PNPLA6: variants seen among roughly 807,000 people sequenced by gnomAD.
The protein encoded by PNPLA6 is patatin like domain 6, lysophospholipase.
PNPLA6 carries 105 observed loss-of-function variants against 153.7 expected under a neutral mutation model. The observed-to-expected ratio is 0.68, with a 90% CI of 0.58 to 0.80. The LOEUF (loss-of-function observed/expected upper bound fraction) is 0.80. Ranked by LOEUF, PNPLA6 falls within the 30% of genes least tolerant of loss-of-function variation. PNPLA6 has a pLI of 0.00. For missense variants in PNPLA6, 1,423 were observed against 1,919.3 expected, an observed-to-expected ratio of 0.74 and a Z score of 4.83; for synonymous variants, 825 against 822.2, an observed-to-expected ratio of 1.00 and a Z score of -0.06.
In PNPLA6 at chr19:7,541,347, C is replaced by A. The variant is rs1402662594; in HGVS notation, c.925-7C>A. On this transcript the variant is annotated splice_region_variant and splice_polypyrimidine_tract_variant and intron_variant, in intron 7 of 31. Coordinates refer to ENST00000600737, the MANE Select transcript of PNPLA6 (RefSeq NM_001166114.2). The surrounding 1 kb of genome is among the most constrained non-coding windows in gnomAD (Gnocchi z 5.2). Reference sequence around the variant, plus strand: ...CATCTTATGGCCACGCCCCTCGAGCCCTGCAGATCATCATGGTGCGGCTGC... The same window carrying A: ...CATCTTATGGCCACGCCCCTCGAGCACTGCAGATCATCATGGTGCGGCTGC... 1 of 1,613,186 alleles carries A rather than the reference C, an allele frequency of 6.2e-7. No homozygotes were observed. The highest frequency in any genetic ancestry group is 1.7e-5 in the Admixed American group (1 of 59,984).
intron 21 of PNPLA6, 50 bp downstream of exon 21, chr19:7,554,773 G>T: frequency 6.3e-7 from 1 of 1,599,542 alleles, no homozygotes; most frequent in Non-Finnish European, 8.5e-7. Flanking sequence ...CCCGTCCTTT[G>T]CCCTCCCGTG....
In PNPLA6 at chr19:7,549,963, C is replaced by T. The variant is rs1281153565; in HGVS notation, c.1665C>T (p.Ile555=). The change falls in exon 14 of 32, where the codon ATC becomes ATT. Residue 555 remains isoleucine, a synonymous_variant. Transcript: ENST00000600737. ...GCCTGCACGTGTACCAGCGCATGAT[C>T]GACAAGGCGGAGGACGTGTGCCTGT... ...WGCLHVYQRM[I]DKAEDVCLFV... 4 of 1,613,880 alleles carry T rather than the reference C, an allele frequency of 2.5e-6. No homozygotes were observed. Among genetic ancestry groups the T allele is most frequent in the Admixed American group, 3.3e-5 (2 of 60,024 alleles).
Position 7,560,729 on chromosome 19 carries a change from C to T in PNPLA6, c.3781C>T (p.Arg1261Trp), listed in dbSNP as rs779906170. The T allele has an allele frequency of 2.5e-6, 4 of 1,613,096 alleles. No individual in the cohort carries two copies. Among genetic ancestry groups the T allele is most frequent in the East Asian group, 2.2e-5 (1 of 44,894 alleles). ...NVIEKMLTDR[R>W]STDLNESRRA... Reference sequence around the variant, plus strand: ...CATTGAGAAAATGCTCACAGACCGGCGGTCTACAGACCTTAATGAGAGCCG... The same window carrying T: ...CATTGAGAAAATGCTCACAGACCGGTGGTCTACAGACCTTAATGAGAGCCG... The change falls in exon 29 of 32, where the codon CGG becomes TGG. Residue 1261 changes from arginine (R) to tryptophan (W), a missense_variant. Transcript: ENST00000600737.
chr19:7,559,559 C>T (rs1353447455), intron 28 of PNPLA6, among the ~76,000 whole-genome samples: 1 of 152,128 alleles, frequency 6.6e-6, no homozygotes, highest in Non-Finnish European at 1.5e-5. Flanking sequence ...GATCAGGGGG[C>T]CAGGCATGGT....
rs200274429 is a variant in PNPLA6, at chr19:7,551,355, C to A, written c.2185-7C>A. 2 of 1,613,598 alleles carry A rather than the reference C, an allele frequency of 1.2e-6. No individual in the cohort carries two copies. Among genetic ancestry groups the A allele is most frequent in the Non-Finnish European group, 1.7e-6 (2 of 1,179,662 alleles). ...CTCACTGAAATGCCGGCCTCCAACG[C>A]CCCCAGGTCGTGACCCGCCTTATCC... On this transcript the variant is annotated splice_polypyrimidine_tract_variant and splice_region_variant and intron_variant, in intron 17 of 31. Transcript: ENST00000600737.
Position 7,536,196 on chromosome 19 carries a change from C to G in PNPLA6, c.238C>G (p.Pro80Ala). ...CTGTCCCCACCTATCCCCAGAAACC[C>G]CAGCCCCGGATGGCCCCCGGTATCG... ...VVRRLRVPKT[P>A]APDGPRYRFR... Residue 80 changes from proline to alanine, a missense_variant, in exon 2 of 32, where the codon CCA becomes GCA. Coordinates refer to ENST00000600737, the MANE Select transcript of PNPLA6 (RefSeq NM_001166114.2). 1 of 1,612,390 alleles carries G rather than the reference C, an allele frequency of 6.2e-7. No individual in the cohort carries two copies. Among genetic ancestry groups the G allele is most frequent in the Non-Finnish European group, 8.5e-7 (1 of 1,178,494 alleles).
In PNPLA6 at chr19:7,542,877, C is replaced by T. The variant is rs761965159; in HGVS notation, c.1479C>T (p.Ser493=). 3 of 1,613,346 alleles carry T rather than the reference C, an allele frequency of 1.9e-6. No homozygotes were observed. The highest frequency in any genetic ancestry group is 2.2e-5 in the South Asian group (2 of 91,086). Residue 493 remains serine (S), a synonymous_variant, in exon 12 of 32, where the codon AGC becomes AGT. Transcript: ENST00000600737. ...GGCCCTACCAGGGCCGCCAGACCAGCAGCATCTTCGAGGCAGCAAAGCAGG... is the reference window on the plus strand; with the variant it reads ...GGCCCTACCAGGGCCGCCAGACCAGTAGCATCTTCGAGGCAGCAAAGCAGG... ...PFGPYQGRQT[S]SIFEAAKQEL...
intron 13 of PNPLA6, among the ~76,000 whole-genome samples, chr19:7,543,648 A>G (rs1364494715): frequency 6.6e-6 from 1 of 152,152 alleles, no homozygotes; most frequent in Non-Finnish European, 1.5e-5. Context: ...AGGAAGCCTC[A>G]GGGTAGGAGG....
At chr19:7,542,493 C>G (rs1244025402) in intron 10 of PNPLA6, 68 bp from the exon 11 acceptor site, 2 of 1,217,612 alleles carry the variant, frequency 1.6e-6, no homozygotes, top group African/African-American at 3.0e-5. Context: ...CACCACTACA[C>G]CTGGCTCATT....
At chr19:7,545,688 G>T (rs1249220235) in intron 13 of PNPLA6, among the ~76,000 whole-genome samples, 1 of 151,998 alleles carries the variant, frequency 6.6e-6, no homozygotes, top group East Asian at 1.9e-4. Flanking sequence ...GAGGTGAGAG[G>T]ATCACTTGAG....
chr19:7,556,128 TC>T (rs1236459524), intron 24 of PNPLA6, among the ~76,000 whole-genome samples: 4 of 140,254 alleles, frequency 2.9e-5, no homozygotes, highest in African/African-American at 1.1e-4. Flanking sequence ...AGTGGCACAA[TC>T]TCGGCTCACT....
Position 7,555,853 on chromosome 19 carries a change from G to A in PNPLA6, c.3093+90G>A. 4.4e-6 allele frequency: 6 copies of A among 1,373,840 alleles called. No individual in the cohort carries two copies. Among genetic ancestry groups the A allele is most frequent in the Middle Eastern group, 1.8e-4 (1 of 5,588 alleles). 85.1% of individuals were successfully genotyped at this position (1,373,840 alleles called of 1,614,324 possible). A position where few individuals can be genotyped will look rare whatever the true frequency, so the allele number is the denominator to read the frequency against. On this transcript the variant is annotated intron_variant, in intron 24 of 31. Transcript: ENST00000600737. The surrounding 1 kb of genome is among the most constrained non-coding windows in gnomAD (Gnocchi z 6.3). ...ACCTGATCCCATGGGGGAGCCTCCG[G>A]GGTCAGGGTGACCCTTCCTGATTAA...
Position 7,557,247 on chromosome 19 carries a change from C to T in PNPLA6, c.3360C>T (p.His1120=). The T allele has an allele frequency of 6.2e-7, 1 of 1,613,416 alleles. No homozygotes were observed. The highest frequency in any genetic ancestry group is 8.5e-7 in the Non-Finnish European group (1 of 1,179,748). Residue 1120 remains histidine, a synonymous_variant, in exon 27 of 32, where the codon CAC becomes CAT. Transcript: ENST00000600737. The part of the protein sequence containing the change: ...LPPLCDPKDG[H]LLMDGGYINN... ...CGCTGTGCGACCCCAAGGACGGGCACCTACTCATGGATGGCGGCTACATCA... is the reference window on the plus strand; with the variant it reads ...CGCTGTGCGACCCCAAGGACGGGCATCTACTCATGGATGGCGGCTACATCA...
Position 7,542,660 on chromosome 19 carries a change from C to G in PNPLA6, c.1352C>G (p.Ala451Gly). The change falls in exon 11 of 32, where the codon GCC (alanine) becomes GGC (glycine). Residue 451 changes from alanine to glycine, a missense_variant. This residue lies in a region of PNPLA6 where 267 missense variants were observed against 255.1 expected (regional missense o/e 1.05). Transcript: ENST00000600737. ...GAGGCCTCCGGGGGGTCCCTGGCAG[C>G]CCCCGCTCGGGTAAGGCTTGGGACC... ...QEEASGGSLA[A>G]PARTPTQEPR... 1 of 1,612,770 alleles carries G rather than the reference C, an allele frequency of 6.2e-7. No homozygotes were observed. The highest frequency in any genetic ancestry group is 8.5e-7 in the Non-Finnish European group (1 of 1,179,630).
At chr19:7,560,055 C>T (rs2024036486) in intron 28 of PNPLA6, among the ~76,000 whole-genome samples, 1 of 151,798 alleles carries the variant, frequency 6.6e-6, no homozygotes, top group African/African-American at 2.4e-5. Flanking sequence ...CAGGAGAAAT[C>T]GCTTGAACCT....
Position 7,555,744 on chromosome 19 carries a change from G to A in PNPLA6, c.3074G>A (p.Arg1025Gln), listed in dbSNP as rs751513186. Residue 1025 changes from arginine (R) to glutamine (Q), a missense_variant, in exon 24 of 32, where the codon CGG (arginine) becomes CAG (glutamine). Physicochemically the swap from Arg to Gln is conservative, Grantham distance 43. Around this residue, in one of 10 missense-constraint regions of PNPLA6, gnomAD observed 643 missense variants for 835.2 expected, o/e 0.77. Coordinates refer to ENST00000600737, the MANE Select transcript of PNPLA6 (RefSeq NM_001166114.2). The surrounding 1 kb of genome is among the most constrained non-coding windows in gnomAD (Gnocchi z 6.3). ...CGCAGCGCCAGCCGCACGAAGCAGCGGGCCCGGGAGTGGGCCAAGGTGTGT... is the reference window on the plus strand; with the variant it reads ...CGCAGCGCCAGCCGCACGAAGCAGCAGGCCCGGGAGTGGGCCAAGGTGTGT... Reference protein sequence around the residue: ...EERSASRTKQRAREWAKSMTS... With the variant: ...EERSASRTKQQAREWAKSMTS... 1.9e-6 allele frequency: 3 copies of A among 1,613,742 alleles called. No individual in the cohort carries two copies. The highest frequency in any genetic ancestry group is 1.7e-5 in the Admixed American group (1 of 60,008).
rs149201595 is a variant in PNPLA6 at position 7,546,935 on chromosome 19, C to T, written c.1609-2972C>T. On this transcript the variant is annotated intron_variant, in intron 13 of 31. Coordinates refer to ENST00000600737, the MANE Select transcript of PNPLA6 (RefSeq NM_001166114.2). ...TTTTTTTTTTTTTAAGAGGGAGTCT[C>T]GCTATGTCGCCCAGGCTGGAGTGCA... Among the ~76,000 whole-genome samples the T allele has an allele frequency of 2.1e-3, 319 of 150,462 alleles. 1 individual carries two copies. Among genetic ancestry groups the T allele is most frequent in the Non-Finnish European group, 3.3e-3 (224 of 67,832 alleles).
intron 24 of PNPLA6, 109 bp from the exon 25 acceptor site, chr19:7,556,344 G>T: frequency 1.3e-6 from 1 of 786,040 alleles, no homozygotes; most frequent in Non-Finnish European, 2.3e-6. Context: ...TTACCAGTGT[G>T]AGCCGCTGCA....
At chr19:7,549,037 C>G (rs1483409032) in intron 13 of PNPLA6, among the ~76,000 whole-genome samples, 2 of 151,064 alleles carry the variant, frequency 1.3e-5, no homozygotes, top group Admixed American at 6.6e-5. Flanking sequence ...CTCCTGACCT[C>G]GTGATCCGCC....
Sources: allele counts gnomAD v4.1 joint callset (sites outside exome capture counted in the v4.1 genomes callset), GRCh38; gene constraint gnomAD v4.1.1; regional missense constraint gnomAD v4.1.1; non-coding constraint Gnocchi (gnomAD v3.1); transcripts MANE v1.5; gene names NCBI Gene and HGNC (gene_info 2026-07-23, HGNC 2026-07-21).